DAB1: variants seen among roughly 807,000 people sequenced by gnomAD.
DAB1 encodes disabled homolog 1.
A neutral mutation model predicts 64.6 loss-of-function variants in DAB1; 15 were observed. That is an observed-to-expected ratio of 0.23 (90% CI 0.16 to 0.36). DAB1 has a LOEUF of 0.36. Among genes scored for constraint, DAB1 ranks in the 10% least tolerant of loss-of-function variants. DAB1 has a pLI of 1.00. For missense variants in DAB1, 596 were observed against 706.7 expected (o/e 0.84, Z 1.78); for synonymous variants, 235 against 251.9 (o/e 0.93, Z 0.64).
In DAB1 at chr1:58,166,750, G is replaced by T. The variant is rs866409318; in HGVS notation, n.310-16162C>A. Among the ~76,000 whole-genome samples, 120 of 134,946 alleles carry T rather than the reference G, an allele frequency of 8.9e-4. No homozygotes were observed. In the South Asian group the frequency reaches 9.7e-3, roughly 11 times the overall value. The allele number at this position is 134,946 out of a possible 152,430, so 88.5% of individuals were successfully genotyped here. A position where few individuals can be genotyped will look rare whatever the true frequency, so the allele number is the denominator to read the frequency against. Reference sequence around the variant, plus strand: ...TTTTTGTTGTTGTTTTTGTTTGTTCGTTTTTTTTTTTTTTTAATTTGAGAC... The same window carrying T: ...TTTTTGTTGTTGTTTTTGTTTGTTCTTTTTTTTTTTTTTTTAATTTGAGAC... On this transcript the variant is annotated intron_variant and non_coding_transcript_variant, in intron 4 of 20. Transcript: ENST00000485760.
At chr1:57,419,746 T>C (rs1230352738) in intron 1 of DAB1, among the ~76,000 whole-genome samples, 2 of 152,246 alleles carry the variant, frequency 1.3e-5, no homozygotes, top group Non-Finnish European at 2.9e-5. Flanking sequence ...AGTACTGTTA[T>C]TTCATTATAA....
intron 7 of DAB1, among the ~76,000 whole-genome samples, chr1:57,517,170 TA>T (rs1325346426): frequency 1.1e-4 from 16 of 152,292 alleles, no homozygotes; most frequent in African/African-American, 2.9e-4. Context: ...TTTATTTATT[TA>T]TTTTTTTTGA....
intron 5 of DAB1, among the ~76,000 whole-genome samples, chr1:57,904,083 G>A (rs1335100881): frequency 6.6e-6 from 1 of 152,120 alleles, no homozygotes; most frequent in Non-Finnish European, 1.5e-5. Flanking sequence ...AAACCCCACT[G>A]TTTCTCAAAG....
chr1:57,907,093 A>T (rs1644564471), intron 5 of DAB1, among the ~76,000 whole-genome samples: 1 of 152,182 alleles, frequency 6.6e-6, no homozygotes, highest in Admixed American at 6.5e-5. Context: ...TAATTACGTC[A>T]CATGCCAATT....
intron 4 of DAB1, among the ~76,000 whole-genome samples, chr1:58,261,705 TG>T (rs1336001648): frequency 2.0e-5 from 3 of 151,492 alleles, no homozygotes; most frequent in East Asian, 3.8e-4. Context: ...GAGATCAATT[TG>T]TTTTTTTGTT....
At chr1:57,788,919 T>A (rs746727533) in intron 6 of DAB1, among the ~76,000 whole-genome samples, 1 of 152,144 alleles carries the variant, frequency 6.6e-6, no homozygotes, top group African/African-American at 2.4e-5. Context: ...ACATTTCCCT[T>A]AGGACTTATT....
At chr1:57,117,848 G>C (rs531372984) in intron 4 of DAB1, among the ~76,000 whole-genome samples, 5 of 151,550 alleles carry the variant, frequency 3.3e-5, no homozygotes, top group African/African-American at 9.7e-5. Context: ...GTTATAAAAG[G>C]CTCATGAAAG....
chr1:58,460,308 C>T (rs571634846), intron 3 of DAB1, among the ~76,000 whole-genome samples: 2 of 152,234 alleles, frequency 1.3e-5, no homozygotes, highest in East Asian at 1.9e-4. Context: ...GATGCACACA[C>T]GTGGGACTGG....
At chr1:58,387,717 CTTTTCTTTTTTTT>C (rs1243985908) in intron 3 of DAB1, among the ~76,000 whole-genome samples, 2 of 102,876 alleles carry the variant, frequency 1.9e-5, no homozygotes, top group African/African-American at 7.8e-5. Flanking sequence ...TTTTTCTTTT[CTTTTCTTTTTTTT>C]TTTTTTTTTT....
chr1:57,506,651 C>T (rs552342191), intron 7 of DAB1, among the ~76,000 whole-genome samples: 38 of 152,264 alleles, frequency 2.5e-4, no homozygotes, highest in African/African-American at 8.9e-4. Context: ...CCATCATTGA[C>T]CTCCCCAGAG....
intron 5 of DAB1, among the ~76,000 whole-genome samples, chr1:57,987,912 C>T (rs916655085): frequency 6.6e-6 from 1 of 151,338 alleles, no homozygotes; most frequent in Non-Finnish European, 1.5e-5. Flanking sequence ...GCAAAGACAA[C>T]GAGTATACTT....
At chr1:57,635,535 T>C (rs1330598084) in intron 7 of DAB1, among the ~76,000 whole-genome samples, 1 of 152,154 alleles carries the variant, frequency 6.6e-6, no homozygotes, top group Non-Finnish European at 1.5e-5. Flanking sequence ...CTCTACTGCC[T>C]AATGATCTGT....
intron 5 of DAB1, among the ~76,000 whole-genome samples, chr1:57,906,583 G>C (rs761235869): frequency 6.6e-6 from 1 of 152,170 alleles, no homozygotes; most frequent in Non-Finnish European, 1.5e-5. Flanking sequence ...GCACAGTGAG[G>C]CTCCCCAGAA....
At chr1:57,962,676 G>A (rs1205514524) in intron 5 of DAB1, among the ~76,000 whole-genome samples, 2 of 151,956 alleles carry the variant, frequency 1.3e-5, no homozygotes, top group African/African-American at 4.8e-5. Flanking sequence ...GTTCAAGACC[G>A]GCCTGGATAA....
At chr1:57,238,860 TACACACACACAC>T (rs1281270538) in intron 2 of DAB1, among the ~76,000 whole-genome samples, 16 of 133,948 alleles carry the variant, frequency 1.2e-4, no homozygotes, top group African/African-American at 2.0e-4. Context: ...CACACACACA[TACACACACACAC>T]ACACACACAC....
intron 5 of DAB1, among the ~76,000 whole-genome samples, chr1:58,091,999 TTTA>T (rs915504641): frequency 6.6e-6 from 1 of 150,384 alleles, no homozygotes; most frequent in Non-Finnish European, 1.5e-5. Context: ...CTTTAAGTGG[TTTA>T]TTGTCTCACA....
chr1:58,276,798 T>C (rs496009), intron 4 of DAB1, among the ~76,000 whole-genome samples: 96,942 of 151,922 alleles, frequency 0.64, 32,733 homozygotes, highest in East Asian at 0.87. Context: ...TTTTTTTCAT[T>C]TCACTGATTA....
chr1:58,535,535 G>T (rs950894736), intron 1 of DAB1, among the ~76,000 whole-genome samples: 2 of 148,420 alleles, frequency 1.3e-5, no homozygotes, highest in East Asian at 4.0e-4. Flanking sequence ...GGTGGAGGTT[G>T]CAGTGAGCCA....
At chr1:57,552,771 G>C (rs1434988179) in intron 7 of DAB1, among the ~76,000 whole-genome samples, 1 of 152,090 alleles carries the variant, frequency 6.6e-6, no homozygotes, top group East Asian at 1.9e-4. Flanking sequence ...AGTACTTTAG[G>C]ATTCTACACA....
Sources: gnomAD v4.1 joint callset for allele counts (sites outside exome capture counted in the v4.1 genomes callset) on GRCh38, gnomAD v4.1.1 for gene constraint, MANE v1.5 for transcripts, NCBI Gene and HGNC (gene_info 2026-07-23, HGNC 2026-07-21) for gene names.